DRC8: variants seen among roughly 807,000 people sequenced by gnomAD.
DRC8 encodes dynein regulatory complex subunit 8, also known as dynein regulatory complex protein 8.
the DRC8 span, among the ~76,000 whole-genome samples, chr1:245,077,980 A>G: frequency 6.6e-6 from 1 of 152,228 alleles, no homozygotes; most frequent in South Asian, 2.1e-4. Flanking sequence ...TAATATTCCA[A>G]TACATATAAG....
At chr1:245,033,201 G>A in the DRC8 span, among the ~76,000 whole-genome samples, 4 of 152,162 alleles carry the variant, frequency 2.6e-5, no homozygotes, top group South Asian at 2.1e-4. Flanking sequence ...TTATGAACCC[G>A]CAGCCCAAAG....
chr1:245,085,093 AT>A, the DRC8 span, among the ~76,000 whole-genome samples: 1 of 152,244 alleles, frequency 6.6e-6, no homozygotes, highest in African/African-American at 2.4e-5. Flanking sequence ...TATGTTTAAT[AT>A]TTAGTAAGTG....
the DRC8 span, among the ~76,000 whole-genome samples, chr1:244,980,970 G>T: frequency 3.3e-3 from 509 of 152,278 alleles, 2 homozygotes; most frequent in Non-Finnish European, 5.5e-3. Context: ...ATTACCTGAG[G>T]TAGGCAGTTC....
At chr1:245,052,572 G>A in the DRC8 span, among the ~76,000 whole-genome samples, 1 of 152,248 alleles carries the variant, frequency 6.6e-6, no homozygotes, top group African/African-American at 2.4e-5. Flanking sequence ...GAAGATGCAT[G>A]CCATGCCTTG....
chr1:245,038,357 C>T, the DRC8 span, among the ~76,000 whole-genome samples: 1 of 152,178 alleles, frequency 6.6e-6, no homozygotes, highest in Non-Finnish European at 1.5e-5. Flanking sequence ...GTAGTCCCAG[C>T]TACTCAGGAG....
chr1:245,035,186 C>T, the DRC8 span, among the ~76,000 whole-genome samples: 13 of 130,296 alleles, frequency 1.0e-4, no homozygotes, highest in African/African-American at 3.8e-4. Context: ...TCCTGGTTGC[C>T]TTTTTTTTTT....
chr1:244,989,839 C>T, the DRC8 span, among the ~76,000 whole-genome samples: 4 of 152,076 alleles, frequency 2.6e-5, no homozygotes, highest in South Asian at 2.1e-4. Context: ...TTTGGCTTTC[C>T]GTGGTTTTAG....
At chr1:245,034,396 T>C in the DRC8 span, among the ~76,000 whole-genome samples, 1 of 150,080 alleles carries the variant, frequency 6.7e-6, no homozygotes, top group African/African-American at 2.4e-5. Context: ...AGGTCAGGAG[T>C]TCAAGACCAG....
the DRC8 span, chr1:245,124,660 G>C: frequency 3.3e-5 from 5 of 152,242 alleles, no homozygotes; most frequent in South Asian, 8.3e-4. Context: ...TCTGACATTA[G>C]AATCATAAGA....
the DRC8 span, among the ~76,000 whole-genome samples, chr1:245,012,394 G>T: frequency 6.6e-6 from 1 of 151,592 alleles, no homozygotes; most frequent in Non-Finnish European, 1.5e-5. Context: ...TGCTTTGGTA[G>T]TGCTGGCCAG....
At chr1:245,044,903 GT>G in the DRC8 span, among the ~76,000 whole-genome samples, 2 of 151,222 alleles carry the variant, frequency 1.3e-5, no homozygotes, top group South Asian at 2.1e-4. Flanking sequence ...GGCTGGCTTG[GT>G]TTCAGTTTTT....
the DRC8 span, among the ~76,000 whole-genome samples, chr1:245,088,146 ACAAG>A: frequency 6.6e-6 from 1 of 152,216 alleles, no homozygotes. The surrounding 1 kb of genome is among the most constrained non-coding windows in gnomAD (Gnocchi z 4.6). Flanking sequence ...AGAATGAAGC[ACAAG>A]CAGTCACAAT....
At chr1:245,077,838 G>A in the DRC8 span, among the ~76,000 whole-genome samples, 2 of 152,106 alleles carry the variant, frequency 1.3e-5, no homozygotes, top group African/African-American at 4.8e-5. Flanking sequence ...ATGATACTAA[G>A]AGCACAGGCA....
chr1:245,121,259 G>C, the DRC8 span, among the ~76,000 whole-genome samples: 11 of 152,306 alleles, frequency 7.2e-5, no homozygotes, highest in South Asian at 2.1e-3. Flanking sequence ...TTTGACCATA[G>C]ATGTGATCGT....
chr1:245,097,912 C>A, the DRC8 span, among the ~76,000 whole-genome samples: 2 of 152,022 alleles, frequency 1.3e-5, no homozygotes, highest in African/African-American at 2.4e-5. The surrounding 1 kb of genome is among the most constrained non-coding windows in gnomAD (Gnocchi z 5.0). Flanking sequence ...CAGATGAGGA[C>A]GGAGAGGTGG....
At chr1:245,116,359 G>C in the DRC8 span, among the ~76,000 whole-genome samples, 1 of 152,286 alleles carries the variant, frequency 6.6e-6, no homozygotes, top group Non-Finnish European at 1.5e-5. Context: ...CTGCACTCCA[G>C]CCTGGGCAAT....
the DRC8 span, among the ~76,000 whole-genome samples, chr1:244,996,481 G>A: frequency 1.3e-5 from 2 of 152,194 alleles, no homozygotes; most frequent in African/African-American, 4.8e-5. Context: ...CTATCTGGAC[G>A]TTGTCTTCTA....
At chr1:244,969,810 A>T in the DRC8 span, 1 of 347,738 alleles carries the variant, frequency 2.9e-6, no homozygotes, top group Non-Finnish European at 5.2e-6. Context: ...TGAAGACTGG[A>T]CGGGAGAAAC....
chr1:245,108,830 A>G, the DRC8 span, among the ~76,000 whole-genome samples: 1 of 152,014 alleles, frequency 6.6e-6, no homozygotes, highest in South Asian at 2.1e-4. Flanking sequence ...GACAGTTGCC[A>G]TAGCCTCCTA....
Sources: allele counts gnomAD v4.1 joint callset (sites outside exome capture counted in the v4.1 genomes callset), GRCh38; gene constraint gnomAD v4.1.1; non-coding constraint Gnocchi (gnomAD v3.1); transcripts MANE v1.5; gene names NCBI Gene and HGNC (gene_info 2026-07-23, HGNC 2026-07-21).